The following FAM107B variants were observed in gnomAD, a reference collection of about 807,000 sequenced individuals.
The protein encoded by FAM107B is family with sequence similarity 107 member B.
A neutral mutation model predicts 31.5 loss-of-function variants in FAM107B; 21 were observed. The ratio of observed to expected loss-of-function variants is 0.67; its 90% CI spans 0.47 to 0.96. The LOEUF (loss-of-function observed/expected upper bound fraction) is 0.96. Among genes scored for constraint, FAM107B ranks in the 40% least tolerant of loss-of-function variants. The pLI is 0.00. For synonymous variants in FAM107B, 157 were observed against 141.5 expected (o/e 1.11, Z -0.78); for missense variants, 452 against 377.1 (o/e 1.20, Z -1.64).
At chr10:14,762,350 A>T (rs1833066049) in intron 1 of FAM107B, among the ~76,000 whole-genome samples, 1 of 152,164 alleles carries the variant, frequency 6.6e-6, no homozygotes, top group South Asian at 2.1e-4. Context: ...GGGAACCTGC[A>T]CCCAGAGGGG....
At chr10:14,745,618 A>C (rs995856560) in intron 1 of FAM107B, among the ~76,000 whole-genome samples, 15 of 152,066 alleles carry the variant, frequency 9.9e-5, no homozygotes, top group African/African-American at 3.4e-4. Flanking sequence ...GTTTTGAGTG[A>C]GTTTCTTAAT....
intron 1 of FAM107B, among the ~76,000 whole-genome samples, chr10:14,736,253 T>C (rs1036857772): frequency 7.9e-5 from 12 of 152,142 alleles, no homozygotes. Flanking sequence ...AGGAAGTCAT[T>C]AGGTCAAAGT....
rs548836377 is a variant in FAM107B, at chr10:14,761,937, G to C, written c.411+12316C>G. ...TTAACACATTGAGTTTGAGATCGCT[G>C]TGAGGCCACCTAGAGACTTCCCAGG... On this transcript the variant is annotated intron_variant, in intron 1 of 4. Coordinates refer to ENST00000181796, the MANE Select transcript of FAM107B (RefSeq NM_031453.4). Among the ~76,000 whole-genome samples, 6 of 152,270 alleles carry C rather than the reference G, an allele frequency of 3.9e-5. No homozygotes were observed. In the South Asian group the frequency reaches 1.2e-3, roughly 32 times the overall value.
chr10:14,619,847 G>A (rs1852958956), intron 2 of FAM107B, among the ~76,000 whole-genome samples: 2 of 151,420 alleles, frequency 1.3e-5, no homozygotes, highest in Non-Finnish European at 2.9e-5. Flanking sequence ...TTTTCATATG[G>A]TGCTAGGCAA....
intron 2 of FAM107B, among the ~76,000 whole-genome samples, chr10:14,602,187 A>G (rs1472266015): frequency 1.3e-5 from 2 of 152,150 alleles, no homozygotes; most frequent in Non-Finnish European, 2.9e-5. Context: ...CTACTACTGC[A>G]CCGCAACACT....
At chr10:14,546,476 A>G (rs1848705407) in intron 2 of FAM107B, among the ~76,000 whole-genome samples, 1 of 152,232 alleles carries the variant, frequency 6.6e-6, no homozygotes, top group South Asian at 2.1e-4. Context: ...ACACTTTAAT[A>G]ACAGCTCGAC....
intron 1 of FAM107B, among the ~76,000 whole-genome samples, chr10:14,772,883 T>TG (rs1274651920): frequency 1.3e-5 from 2 of 152,212 alleles, no homozygotes; most frequent in Non-Finnish European, 2.9e-5. Flanking sequence ...CCTTTGTTCT[T>TG]GCGGCTGTCT....
rs566580026 is a variant in FAM107B, at chr10:14,672,162, C to T, written c.412-4471G>A. On this transcript the variant is annotated intron_variant, in intron 1 of 4. Transcript: ENST00000181796. ...GCCCAGCAGTGGCGTGATCTCGGCT[C>T]ACTGCAGCCTCCACCTTCCAGGTTC... Among the ~76,000 whole-genome samples the T allele has an allele frequency of 7.8e-4, 118 of 151,038 alleles. No homozygotes were observed. The Middle Eastern group carries it at 0.02, about 26-fold the overall frequency.
chr10:14,774,519 G>T lies in FAM107B; in HGVS notation c.145C>A (p.His49Asn). 1 of 1,614,192 alleles carries T rather than the reference G, an allele frequency of 6.2e-7. No individual in the cohort carries two copies. The highest frequency in any genetic ancestry group is 8.5e-7 in the Non-Finnish European group (1 of 1,180,040). ...SFNQSGVADTHSTVRVQPVAK... is the reference protein window; with the variant it reads ...SFNQSGVADTNSTVRVQPVAK... Reference sequence around the variant, plus strand: ...ACAGGCTGCACACGGACGGTGGAATGAGTATCAGCCACGCCGGACTGATTG... The same window carrying T: ...ACAGGCTGCACACGGACGGTGGAATTAGTATCAGCCACGCCGGACTGATTG... The change falls in exon 1 of 5, where the codon CAT becomes AAT. Residue 49 changes from histidine to asparagine, a missense_variant. By Grantham distance (68) the His-to-Asn change is moderately conservative (BLOSUM62 1). Coordinates refer to ENST00000181796, the MANE Select transcript of FAM107B (RefSeq NM_031453.4).
rs776715291 is a variant in FAM107B, at chr10:14,774,281, G to A, written c.383C>T (p.Pro128Leu). 1.9e-6 allele frequency: 3 copies of A among 1,613,256 alleles called. No individual in the cohort carries two copies. The highest frequency in any genetic ancestry group is 1.6e-4 in the Middle Eastern group (1 of 6,062). The change falls in exon 1 of 5, where the codon CCC (proline) becomes CTC (leucine). Residue 128 changes from proline (P) to leucine (L), a missense_variant. Transcript: ENST00000181796. The stretch of plus-strand genomic sequence containing the variant: ...GGGCGTGTCAATAATTGATGGTCTG[G>A]GGATGGAAGCGTGAAACACCACTGC... Reference protein sequence around the residue: ...CEAVVFHASIPRPSIIDTPKE... With the variant: ...CEAVVFHASILRPSIIDTPKE...
At chr10:14,691,696 C>G (rs1855138441) in intron 1 of FAM107B, among the ~76,000 whole-genome samples, 1 of 151,986 alleles carries the variant, frequency 6.6e-6, no homozygotes, top group South Asian at 2.1e-4. Context: ...AAGTTTGAGA[C>G]AGCCTGGCCA....
intron 1 of FAM107B, among the ~76,000 whole-genome samples, chr10:14,743,703 A>T (rs1301746580): frequency 6.6e-6 from 1 of 152,086 alleles, no homozygotes; most frequent in Non-Finnish European, 1.5e-5. Flanking sequence ...ATTCTGTTCC[A>T]TTGGTCTATG....
At chr10:14,557,153 G>A (rs1849777528) in intron 2 of FAM107B, among the ~76,000 whole-genome samples, 2 of 152,182 alleles carry the variant, frequency 1.3e-5, no homozygotes, top group African/African-American at 4.8e-5. Flanking sequence ...TCCGTGGTCA[G>A]TCTCTGTCCT....
chr10:14,709,712 C>T (rs536967253), intron 1 of FAM107B, among the ~76,000 whole-genome samples: 27 of 152,320 alleles, frequency 1.8e-4, no homozygotes, highest in African/African-American at 6.0e-4. Context: ...AACTGTGGTA[C>T]ATCCAGACAA....
chr10:14,599,758 A>T (rs1018151304), intron 2 of FAM107B, among the ~76,000 whole-genome samples: 4 of 148,008 alleles, frequency 2.7e-5, no homozygotes, highest in Admixed American at 6.7e-5. Flanking sequence ...TAGAACATAC[A>T]CACTCAACAC....
At chr10:14,753,942 CT>C (rs199813069) in intron 1 of FAM107B, among the ~76,000 whole-genome samples, 12,087 of 134,018 alleles carry the variant, frequency 0.09, 1,112 homozygotes, top group African/African-American at 0.28. Context: ...TCTTTTTTTT[CT>C]TTTTTTTTTT....
rs111489431 is a variant in FAM107B at position 14,654,375 on chromosome 10, G to A, written c.469+13259C>T. 6.0e-3 allele frequency among the ~76,000 whole-genome samples: 917 copies of A among 152,214 alleles called. 12 individuals carry two copies. The highest frequency in any genetic ancestry group is 0.021 in the African/African-American group (857 of 41,516). On this transcript the variant is annotated intron_variant, in intron 2 of 4. Coordinates refer to ENST00000181796, the MANE Select transcript of FAM107B (RefSeq NM_031453.4). ...TGAATATCTGTGTGGAATATAGACC[G>A]CATATTAACCCTAATTATTAATTAC...
chr10:14,598,806 A>C (rs1852271062), intron 2 of FAM107B, among the ~76,000 whole-genome samples: 1 of 152,240 alleles, frequency 6.6e-6, no homozygotes, highest in African/African-American at 2.4e-5. Flanking sequence ...CAGGGACCAC[A>C]TGTCCCCACC....
intron 3 of FAM107B, among the ~76,000 whole-genome samples, chr10:14,524,575 A>G (rs892530285): frequency 1.3e-5 from 2 of 152,324 alleles, no homozygotes; most frequent in Non-Finnish European, 2.9e-5. Flanking sequence ...TCAGCACAAT[A>G]TAAGTTGCTT....
Sources: gnomAD v4.1 joint callset for allele counts (sites outside exome capture counted in the v4.1 genomes callset) on GRCh38, gnomAD v4.1.1 for gene constraint, MANE v1.5 for transcripts, NCBI Gene and HGNC (gene_info 2026-07-23, HGNC 2026-07-21) for gene names.